Variants in CALR3 observed in about 807,000 individuals in gnomAD.
CALR3 encodes calreticulin 3, also known as calreticulin-3.
CALR3 carries 39 observed loss-of-function variants against 48.7 expected under a neutral mutation model. The ratio of observed to expected loss-of-function variants is 0.80; its 90% CI spans 0.62 to 1.05. The LOEUF (loss-of-function observed/expected upper bound fraction) is 1.05. Ranked by LOEUF, CALR3 falls within the 50% of genes least tolerant of loss-of-function variation. CALR3 has a pLI of 0.00. For missense variants in CALR3, 449 were observed against 474.7 expected (o/e 0.95, Z 0.50); for synonymous variants, 185 against 172.7 (o/e 1.07, Z -0.56).
In CALR3 at chr19:16,495,788, C is replaced by T. The variant is rs779192527; in HGVS notation, c.156G>A (p.Ser52=). 20 of 1,613,974 alleles carry T rather than the reference C, an allele frequency of 1.2e-5. No homozygotes were observed. The Admixed American group carries it at 2.8e-4, about 23-fold the overall frequency. ...CTTTATGACCATAAAACTTGCCCGA[C>T]GAAAGTCTAAAATGCCCAAATCGGG... ...NDSRFGHFRL[S]SGKFYGHKEK... is the part of the protein sequence containing the mutation. The change falls in exon 2 of 9, where the codon TCG becomes TCA. Residue 52 remains serine, a synonymous_variant. Coordinates refer to ENST00000269881, the MANE Select transcript of CALR3 (RefSeq NM_145046.5).
rs1247644660 is a variant in CALR3, at chr19:16,496,124, G to C, written c.6C>G (p.Ala2=). Residue 2 remains alanine, a synonymous_variant, in exon 1 of 9, where the codon GCC becomes GCG. Transcript: ENST00000269881. M[A]RALVQLWAIC... ...TGGCCCAGAGCTGGACCAAAGCCCGGGCCATGGGGGTGTGCACTGCGCTTC... is the reference window on the plus strand; with the variant it reads ...TGGCCCAGAGCTGGACCAAAGCCCGCGCCATGGGGGTGTGCACTGCGCTTC... The C allele has an allele frequency of 3.1e-6, 5 of 1,600,440 alleles. No individual in the cohort carries two copies. The East Asian group carries it at 6.8e-5, about 22-fold the overall frequency.
chr19:16,492,988 G>A (rs1220125010), intron 2 of CALR3, among the ~76,000 whole-genome samples: 2 of 152,106 alleles, frequency 1.3e-5, no homozygotes, highest in African/African-American at 2.4e-5. Flanking sequence ...CAGAGATCAC[G>A]CCATTGCACT....
chr19:16,483,272 A>G (rs1396429529), intron 5 of CALR3, among the ~76,000 whole-genome samples: 5 of 152,098 alleles, frequency 3.3e-5, no homozygotes, highest in African/African-American at 4.8e-5. Context: ...TGGTGCTTCC[A>G]ATCCCACTGA....
intron 2 of CALR3, among the ~76,000 whole-genome samples, chr19:16,494,404 G>A (rs559759966): frequency 4.2e-5 from 6 of 142,162 alleles, no homozygotes; most frequent in Non-Finnish European, 4.6e-5. Context: ...CTCTGTCACT[G>A]AGGCTGGAGT....
At chr19:16,490,796 C>T (rs572011371) in intron 2 of CALR3, among the ~76,000 whole-genome samples, 21 of 151,986 alleles carry the variant, frequency 1.4e-4, no homozygotes, top group African/African-American at 4.1e-4. Flanking sequence ...CTCACTCTGT[C>T]GCCCAGGCTG....
rs376733366 is a variant in CALR3, at chr19:16,484,100, G to A, written c.508C>T (p.His170Tyr). Residue 170 changes from histidine (H) to tyrosine (Y), a missense_variant, in exon 5 of 9, where the codon CAC becomes TAC. Physicochemically the swap from His to Tyr is moderately conservative, Grantham distance 83. Coordinates refer to ENST00000269881, the MANE Select transcript of CALR3 (RefSeq NM_145046.5). The stretch of plus-strand genomic sequence containing the variant: ...GGTCTTAAAATTAGAGTGTACAGGT[G>A]TGTGAAGCCATCAACCTGCATATTT... ...LIRCKVDGFT[H>Y]LYTLILRPDL... is the part of the protein sequence containing the mutation. 3.1e-6 allele frequency: 5 copies of A among 1,613,282 alleles called. No homozygotes were observed. In the African/African-American group the frequency reaches 4.0e-5, roughly 13 times the overall value.
chr19:16,488,813 C>A (rs1433344842), intron 3 of CALR3, among the ~76,000 whole-genome samples: 3 of 152,156 alleles, frequency 2.0e-5, no homozygotes, highest in Admixed American at 1.3e-4. Context: ...TAATCAAGTA[C>A]CCCTGTTGTC....
intron 8 of CALR3, among the ~76,000 whole-genome samples, chr19:16,480,041 A>G (rs1239418543): frequency 1.3e-5 from 2 of 150,902 alleles, no homozygotes; most frequent in East Asian, 4.0e-4. Flanking sequence ...CGTCTCTACT[A>G]AAAATACAAA....
chr19:16,480,142 C>A (rs1279081356), intron 8 of CALR3, among the ~76,000 whole-genome samples: 1 of 139,180 alleles, frequency 7.2e-6, no homozygotes, highest in Non-Finnish European at 1.5e-5. Context: ...GTGGAGGTTG[C>A]AGTGCGCCGA....
intron 3 of CALR3, among the ~76,000 whole-genome samples, chr19:16,487,233 C>A (rs2122137215): frequency 6.6e-6 from 1 of 152,160 alleles, no homozygotes; most frequent in African/African-American, 2.4e-5. Context: ...AATTCCAGCA[C>A]TTTGGGAGGC....
At position 16,486,087 on chromosome 19, in the gene CALR3, G is replaced by A. The variant is rs994979980; in HGVS notation, c.398-830C>T. Among the ~76,000 whole-genome samples, 28 of 152,084 alleles carry A rather than the reference G, an allele frequency of 1.8e-4. 1 individual carries two copies. Among genetic ancestry groups the A allele is most frequent in the Non-Finnish European group, 2.8e-4 (19 of 68,018 alleles). On this transcript the variant is annotated intron_variant, in intron 3 of 8. Transcript: ENST00000269881. ...TAATCCCAGCACTTTAGGAGGCCAA[G>A]GTGGGGAGATGACTTGAGGCCAGTT...
Position 16,480,654 on chromosome 19 carries a change from T to G in CALR3, c.971A>C (p.Tyr324Ser), listed in dbSNP as rs1350228189. The G allele has an allele frequency of 6.2e-7, 1 of 1,613,968 alleles. No homozygotes were observed. Among genetic ancestry groups the G allele is most frequent in the Non-Finnish European group, 8.5e-7 (1 of 1,179,794 alleles). Residue 324 changes from tyrosine (Y) to serine (S), a missense_variant, in exon 8 of 9, where the codon TAC becomes TCC. Tyr to Ser is a moderately radical substitution (Grantham distance 144, BLOSUM62 -2). Transcript: ENST00000269881. ...GGTGGCCTTGCCAAAATTATCTGCG[T>G]ACTCTTCATCATCTGTGATCAGAAA... The part of the protein sequence containing the change: ...DNFLITDDEE[Y>S]ADNFGKATWG...
intron 7 of CALR3, among the ~76,000 whole-genome samples, chr19:16,481,421 A>G (rs915880244): frequency 2.7e-5 from 4 of 150,066 alleles, no homozygotes; most frequent in Non-Finnish European, 5.9e-5. Flanking sequence ...ACGTGGCTGC[A>G]CATCGGGATC....
intron 7 of CALR3, among the ~76,000 whole-genome samples, chr19:16,481,963 G>C (rs542785865): frequency 7.1e-6 from 1 of 140,056 alleles, no homozygotes; most frequent in East Asian, 2.1e-4. Context: ...CTGGAGTGCA[G>C]TGGCCCGATC....
At chr19:16,479,376 G>C (rs1163289016) in intron 8 of CALR3, 102 bp from the exon 9 acceptor site, 1 of 1,309,842 alleles carries the variant, frequency 7.6e-7, no homozygotes. Flanking sequence ...ACGAAGTCAG[G>C]AGATCGAGAC....
chr19:16,489,636 C>T (rs2093394755), intron 3 of CALR3, among the ~76,000 whole-genome samples: 1 of 142,066 alleles, frequency 7.0e-6, no homozygotes, highest in East Asian at 2.1e-4. Flanking sequence ...AAAAAAAACC[C>T]ATCTCTACTA....
chr19:16,490,408 T>C lies in CALR3; in HGVS notation c.356A>G (p.Gln119Arg), dbSNP rs946376334. The C allele has an allele frequency of 6.2e-6, 10 of 1,614,076 alleles. No individual in the cohort carries two copies. The highest frequency in any genetic ancestry group is 8.5e-6 in the Non-Finnish European group (10 of 1,180,038). ...CTGCGATTTTCCATTCAGGTTCTTCTGGTCAATGTCTGCAGGAAAGACCTT... is the reference window on the plus strand; with the variant it reads ...CTGCGATTTTCCATTCAGGTTCTTCCGGTCAATGTCTGCAGGAAAGACCTT... Reference protein sequence around the residue: ...YIKVFPADIDQKNLNGKSQYY... With the variant: ...YIKVFPADIDRKNLNGKSQYY... The change falls in exon 3 of 9, where the codon CAG (glutamine) becomes CGG (arginine). Residue 119 changes from glutamine (Q) to arginine (R), a missense_variant. Gln to Arg is a conservative substitution (Grantham distance 43). Transcript: ENST00000269881.
Position 16,482,479 on chromosome 19 carries a change from T to C in CALR3, c.889A>G (p.Ile297Val), listed in dbSNP as rs2093382450. 6.2e-7 allele frequency: 1 copy of C among 1,614,096 alleles called. No individual in the cohort carries two copies. The highest frequency in any genetic ancestry group is 1.7e-5 in the Admixed American group (1 of 60,004). ...TQYDLSEFEN[I>V]GAIGLELWQV... is the part of the protein sequence containing the mutation. The stretch of plus-strand genomic sequence containing the variant: ...CAAAGCTCCAGGCCAATGGCACCAA[T>C]GTTCTCAAATTCTGAGAGGTCATAC... The change falls in exon 7 of 9, where the codon ATT becomes GTT. Residue 297 changes from isoleucine to valine, a missense_variant. Transcript: ENST00000269881.
intron 5 of CALR3, among the ~76,000 whole-genome samples, chr19:16,483,504 G>C (rs2093384116): frequency 6.6e-6 from 1 of 152,126 alleles, no homozygotes; most frequent in Non-Finnish European, 1.5e-5. Context: ...AATCACTTGA[G>C]GTCGGGAGTT....
Sources: gnomAD v4.1 joint callset for allele counts (sites outside exome capture counted in the v4.1 genomes callset) on GRCh38, gnomAD v4.1.1 for gene constraint, MANE v1.5 for transcripts, NCBI Gene and HGNC (gene_info 2026-07-23, HGNC 2026-07-21) for gene names.